The following GGT1 variants were observed in gnomAD, a reference collection of about 807,000 sequenced individuals.
GGT1 encodes glutathione hydrolase 1 proenzyme.
A neutral mutation model predicts 56.0 loss-of-function variants in GGT1; 21 were observed. The ratio of observed to expected loss-of-function variants is 0.38; its 90% CI spans 0.27 to 0.54. The LOEUF (loss-of-function observed/expected upper bound fraction) is 0.54, where lower values mean the gene tolerates loss of function less well. Ranked by LOEUF, GGT1 falls within the 20% of genes least tolerant of loss-of-function variation. GGT1 has a pLI of 0.82. For missense variants in GGT1, 466 were observed against 787.0 expected, an observed-to-expected ratio of 0.59 and a Z score of 4.88; for synonymous variants, 238 against 342.6, an observed-to-expected ratio of 0.69 and a Z score of 3.37.
chr22:24,598,255 T>C (rs1398548080), upstream of GGT1: 3 of 151,854 alleles, frequency 2.0e-5, no homozygotes, highest in Non-Finnish European at 4.4e-5. Context: ...CTGGCCAACA[T>C]GGTGAAACTC....
intron 5 of GGT1, among the ~76,000 whole-genome samples, chr22:24,611,628 T>C (rs1393084288): frequency 6.6e-6 from 1 of 152,102 alleles, no homozygotes; most frequent in African/African-American, 2.4e-5. Flanking sequence ...TATTTAGAGA[T>C]GGAGTTTTGC....
upstream of GGT1, among the ~76,000 whole-genome samples, chr22:24,602,346 C>A (rs532677943): frequency 6.6e-6 from 1 of 152,332 alleles, no homozygotes; most frequent in East Asian, 1.9e-4. Context: ...CAGGTCAGGG[C>A]TCCTTGAGAG....
At chr22:24,592,838 AG>A (rs745448300), upstream of GGT1, 66 of 1,273,716 alleles carry the variant, frequency 5.2e-5, no homozygotes, top group South Asian at 1.4e-3. Flanking sequence ...CCGCCAGCCC[AG>A]GGGCGGACGG....
chr22:24,597,735 A>G (rs887173017), intron 1 of GGT1, among the ~76,000 whole-genome samples: 54 of 152,170 alleles, frequency 3.5e-4, no homozygotes, highest in African/African-American at 1.2e-3. Flanking sequence ...CTCTGTTCTC[A>G]CAAGACAATA....
At chr22:24,595,760 C>T (rs747068913) in intron 1 of GGT1, among the ~76,000 whole-genome samples, 12 of 152,208 alleles carry the variant, frequency 7.9e-5, no homozygotes, top group Non-Finnish European at 1.5e-4. Flanking sequence ...GTTCAAATGA[C>T]AGGAACACAA....
upstream of GGT1, chr22:24,592,998 G>T: frequency 8.8e-7 from 1 of 1,141,054 alleles, no homozygotes; most frequent in Non-Finnish European, 1.1e-6. Flanking sequence ...CGGCCTCAGA[G>T]CCAGCCTCGG....
At chr22:24,592,369 T>C (rs965078433), upstream of GGT1, 3 of 470,676 alleles carry the variant, frequency 6.4e-6, no homozygotes, top group African/African-American at 6.0e-5. Flanking sequence ...GGGGTGAGGC[T>C]GCATCCCTAG....
upstream of GGT1, among the ~76,000 whole-genome samples, chr22:24,602,847 C>G (rs2045807128): frequency 6.6e-6 from 1 of 152,170 alleles, no homozygotes; most frequent in African/African-American, 2.4e-5. Context: ...GCTTACATCT[C>G]CAGCCCCTCC....
intron 9 of GGT1, among the ~76,000 whole-genome samples, chr22:24,622,008 C>G (rs1421688361): frequency 6.7e-6 from 1 of 149,626 alleles, no homozygotes; most frequent in East Asian, 2.0e-4. Flanking sequence ...CGAGATTGCA[C>G]CACTGCACTC....
chr22:24,592,745 T>G (rs1221330628), upstream of GGT1: 3 of 1,285,796 alleles, frequency 2.3e-6, no homozygotes, highest in Non-Finnish European at 3.0e-6. Flanking sequence ...AGAGACCAGC[T>G]CCGCCTCGCC....
At chr22:24,588,504 C>T in the GGT1 span, 1 of 760,864 alleles carries the variant, frequency 1.3e-6, no homozygotes, top group Non-Finnish European at 2.1e-6. Flanking sequence ...TGTGGCCTGG[C>T]ACAGAGCCAG....
chr22:24,606,244 T>G (rs2046317292), intron 1 of GGT1, among the ~76,000 whole-genome samples: 1 of 149,926 alleles, frequency 6.7e-6, no homozygotes. Flanking sequence ...CCCATTAACT[T>G]GTCATTTACA....
At chr22:24,624,362 C>T (rs75356703) in intron 11 of GGT1, 1 of 985,422 alleles carries the variant, frequency 1.0e-6, no homozygotes, top group Non-Finnish European at 1.2e-6. Flanking sequence ...CAGTAGTTGC[C>T]CCAGCTCCAC....
Position 24,611,056 on chromosome 22 carries a change from T to C in GGT1, c.-7-19T>C, listed in dbSNP as rs4049896. ...GTCTGAGGCTAGGCCTGACCCTGCT[T>C]CTTACCCCGTGGGTGCAGCAGAGCC... On this transcript the variant is annotated intron_variant, in intron 4 of 15. Coordinates refer to ENST00000400382, the MANE Select transcript of GGT1 (RefSeq NM_001288833.2). 3.0e-3 allele frequency: 4,747 copies of C among 1,579,910 alleles called. 18 individuals are homozygous for C. The highest frequency in any genetic ancestry group is 0.021 in the East Asian group (903 of 43,560).
chr22:24,620,336 T>C lies in GGT1; in HGVS notation c.391T>C (p.Ser131Pro). ...SSEQSQKGGL[S>P]VAVPGEIRGY... The stretch of plus-strand genomic sequence containing the variant: ...TGGCTCTCTCTCCCCAGGGGGGCTG[T>C]CGGTGGCGGTGCCTGGGGAGATCCG... The change falls in exon 8 of 16, where the codon TCG becomes CCG. Residue 131 changes from serine (S) to proline (P), a missense_variant. By Grantham distance (74) the Ser-to-Pro change is moderately conservative. Coordinates refer to ENST00000400382, the MANE Select transcript of GGT1 (RefSeq NM_001288833.2). This position sits in a 1 kb window ranked among gnomAD's most constrained non-coding sequence, Gnocchi z 5.6. 1 of 1,611,684 alleles carries C rather than the reference T, an allele frequency of 6.2e-7. No individual in the cohort carries two copies. The highest frequency in any genetic ancestry group is 8.5e-7 in the Non-Finnish European group (1 of 1,179,750).
At chr22:24,617,903 G>A (rs1011681066) in intron 7 of GGT1, among the ~76,000 whole-genome samples, 3 of 151,816 alleles carry the variant, frequency 2.0e-5, no homozygotes, top group Admixed American at 6.6e-5. Context: ...AGGCGGGGGA[G>A]ACTCGGGTGG....
Position 24,620,328 on chromosome 22 carries a change from G to C in GGT1, c.383G>C (p.Gly128Ala), listed in dbSNP as rs747620357. 1 of 1,611,684 alleles carries C rather than the reference G, an allele frequency of 6.2e-7. No individual in the cohort carries two copies. The change falls in exon 8 of 16, where the codon GGG (glycine) becomes GCG (alanine). Residue 128 changes from glycine (G) to alanine (A), a missense_variant and splice_region_variant. Physicochemically the swap from Gly to Ala is moderately conservative, Grantham distance 60. Transcript: ENST00000400382. The surrounding 1 kb of genome is among the most constrained non-coding windows in gnomAD (Gnocchi z 5.6). ...ACTAACTATGGCTCTCTCTCCCCAG[G>C]GGGGCTGTCGGTGGCGGTGCCTGGG... ...MFNSSEQSQK[G>A]GLSVAVPGEI...
chr22:24,614,742 G>C (rs1401119101), intron 5 of GGT1, 34 bp from the exon 6 acceptor site: 1 of 1,610,878 alleles, frequency 6.2e-7, no homozygotes, highest in Non-Finnish European at 8.5e-7. Context: ...GTGGAAGCCT[G>C]CAGGTTCTCA....
Position 24,628,019 on chromosome 22 carries a change from G to A in GGT1, c.1336+40G>A, listed in dbSNP as rs1217263540. The A allele has an allele frequency of 6.2e-7, 1 of 1,608,500 alleles. No individual in the cohort carries two copies. Among genetic ancestry groups the A allele is most frequent in the East Asian group, 2.2e-5 (1 of 44,722 alleles). ...TCCGGGGGTGGGGGACTGGGGTGGAGAGGGGCGGGTGTCCTGGGCAGGCAG... is the reference window on the plus strand; with the variant it reads ...TCCGGGGGTGGGGGACTGGGGTGGAAAGGGGCGGGTGTCCTGGGCAGGCAG... On this transcript the variant is annotated intron_variant, in intron 13 of 15. Coordinates refer to ENST00000400382, the MANE Select transcript of GGT1 (RefSeq NM_001288833.2). This position sits in a 1 kb window ranked among gnomAD's most constrained non-coding sequence, Gnocchi z 5.7.
Sources: gnomAD v4.1 joint callset for allele counts (sites outside exome capture counted in the v4.1 genomes callset) on GRCh38, gnomAD v4.1.1 for gene constraint, Gnocchi (gnomAD v3.1) non-coding constraint, MANE v1.5 for transcripts, NCBI Gene and HGNC (gene_info 2026-07-23, HGNC 2026-07-21) for gene names.